Variants in HS6ST3 observed in about 807,000 individuals in gnomAD.
HS6ST3 encodes the protein heparan sulfate 6-O-sulfotransferase 3.
In HS6ST3, 12 loss-of-function variants were observed where a neutral mutation model predicts 36.7. The ratio of observed to expected loss-of-function variants is 0.33; its 90% CI spans 0.21 to 0.53. The LOEUF (loss-of-function observed/expected upper bound fraction) is 0.53, where lower values mean the gene tolerates loss of function less well. Among genes scored for constraint, HS6ST3 ranks in the 20% least tolerant of loss-of-function variants. The pLI is 0.95. For synonymous variants in HS6ST3, 240 were observed against 257.5 expected (o/e 0.93, Z 0.65); for missense variants, 584 against 640.9 (o/e 0.91, Z 0.96).
intron 1 of HS6ST3, among the ~76,000 whole-genome samples, chr13:96,694,188 A>G: frequency 6.6e-6 from 1 of 152,030 alleles, no homozygotes; most frequent in South Asian, 2.1e-4. Context: ...ATCCTCTGAA[A>G]GGCCCCAGTG....
At chr13:96,707,338 GCA>G (rs1231720093) in intron 1 of HS6ST3, among the ~76,000 whole-genome samples, 3 of 152,100 alleles carry the variant, frequency 2.0e-5, no homozygotes, top group African/African-American at 7.2e-5. Flanking sequence ...GACCATGCTG[GCA>G]CCCTGATCTC....
chr13:96,799,113 C>T (rs896692504), intron 1 of HS6ST3, among the ~76,000 whole-genome samples: 1 of 152,068 alleles, frequency 6.6e-6, no homozygotes, highest in Non-Finnish European at 1.5e-5. Context: ...ATTAGGGCTT[C>T]GACTTATGAA....
At chr13:96,502,359 C>CTTTT (rs11410300) in intron 1 of HS6ST3, among the ~76,000 whole-genome samples, 1 of 139,090 alleles carries the variant, frequency 7.2e-6, no homozygotes, top group Non-Finnish European at 1.5e-5. Context: ...TCTTCACGGG[C>CTTTT]TTTTTTTTTT....
chr13:96,826,915 C>T (rs1317669080), intron 1 of HS6ST3, among the ~76,000 whole-genome samples: 1 of 152,140 alleles, frequency 6.6e-6, no homozygotes, highest in Admixed American at 6.5e-5. Context: ...GCCATCATAA[C>T]CCTCATGGCC....
chr13:96,355,767 T>C (rs2055207314), intron 1 of HS6ST3, among the ~76,000 whole-genome samples: 1 of 152,112 alleles, frequency 6.6e-6, no homozygotes, highest in Admixed American at 6.5e-5. Context: ...AAAATAACAA[T>C]AAATTGATTG....
chr13:96,679,188 G>A (rs958648261), intron 1 of HS6ST3, among the ~76,000 whole-genome samples: 1 of 150,302 alleles, frequency 6.7e-6, no homozygotes, highest in Admixed American at 6.7e-5. Context: ...TAATCTTCAG[G>A]TGGTGGTTGG....
intron 1 of HS6ST3, among the ~76,000 whole-genome samples, chr13:96,240,659 A>C (rs142457473): frequency 1.4e-3 from 207 of 152,300 alleles, no homozygotes; most frequent in African/African-American, 4.1e-3. Context: ...AAAGTGGCAG[A>C]GATGGGTCCA....
intron 1 of HS6ST3, among the ~76,000 whole-genome samples, chr13:96,660,392 C>G (rs1196070675): frequency 1.3e-5 from 2 of 152,074 alleles, no homozygotes; most frequent in African/African-American, 2.4e-5. Flanking sequence ...AATGTAAAAT[C>G]ATATTAGCCA....
At chr13:96,553,451 G>A (rs1357082893) in intron 1 of HS6ST3, among the ~76,000 whole-genome samples, 1 of 152,112 alleles carries the variant, frequency 6.6e-6, no homozygotes, top group Non-Finnish European at 1.5e-5. Flanking sequence ...GCTGTCTAGG[G>A]GCAAAAAGAT....
chr13:96,378,187 C>G (rs1594766786), intron 1 of HS6ST3, among the ~76,000 whole-genome samples: 1 of 152,132 alleles, frequency 6.6e-6, no homozygotes, highest in Non-Finnish European at 1.5e-5. Context: ...AACTATGAAC[C>G]AGGTGCTCTC....
chr13:96,249,812 G>A (rs544634338), intron 1 of HS6ST3, among the ~76,000 whole-genome samples: 2 of 152,168 alleles, frequency 1.3e-5, no homozygotes, highest in East Asian at 3.9e-4. Flanking sequence ...TGAACTTTGA[G>A]GACATTATGC....
intron 1 of HS6ST3, among the ~76,000 whole-genome samples, chr13:96,160,083 C>T (rs1007281375): frequency 6.6e-6 from 1 of 152,182 alleles, no homozygotes; most frequent in African/African-American, 2.4e-5. Flanking sequence ...ATGTAGTAAG[C>T]ACTCAATAGC....
At chr13:96,490,094 GAGTT>G (rs1388537845) in intron 1 of HS6ST3, among the ~76,000 whole-genome samples, 1 of 152,104 alleles carries the variant, frequency 6.6e-6, no homozygotes, top group Non-Finnish European at 1.5e-5. Context: ...AAATTCCTGA[GAGTT>G]AGTTCTTTCA....
At chr13:96,273,811 G>GGAAA (rs2054732955) in intron 1 of HS6ST3, among the ~76,000 whole-genome samples, 1 of 152,028 alleles carries the variant, frequency 6.6e-6, no homozygotes, top group South Asian at 2.1e-4. Flanking sequence ...GAGAAGGCAT[G>GGAAA]GAAAGAGCTG....
rs2138914666 is a variant in HS6ST3, at chr13:96,503,597, G to A, written c.708-328893G>A. ...AAGGTATTCCAGCCTAGTGGGATAG[G>A]GGTTCTTATGGGGGAGAATGAGCAT... On this transcript the variant is annotated intron_variant, in intron 1 of 1. Coordinates refer to ENST00000376705, the MANE Select transcript of HS6ST3 (RefSeq NM_153456.4). Among the ~76,000 whole-genome samples, 2 of 152,212 alleles carry A rather than the reference G, an allele frequency of 1.3e-5. 1 individual carries two copies. Among genetic ancestry groups the A allele is most frequent in the South Asian group, 4.2e-4 (2 of 4,806 alleles).
At chr13:96,631,500 T>A (rs892568378) in intron 1 of HS6ST3, among the ~76,000 whole-genome samples, 2 of 152,224 alleles carry the variant, frequency 1.3e-5, no homozygotes, top group Admixed American at 1.3e-4. Flanking sequence ...AAGCAATTTT[T>A]AAGAATAAAC....
At chr13:96,824,599 G>T (rs777587904) in intron 1 of HS6ST3, among the ~76,000 whole-genome samples, 7 of 152,190 alleles carry the variant, frequency 4.6e-5, no homozygotes, top group Non-Finnish European at 1.0e-4. Flanking sequence ...AGAATGAGTA[G>T]CTCATGATGA....
At chr13:96,545,498 A>C (rs1413361803) in intron 1 of HS6ST3, among the ~76,000 whole-genome samples, 1 of 152,210 alleles carries the variant, frequency 6.6e-6, no homozygotes, top group Non-Finnish European at 1.5e-5. Context: ...GGGCAGAAGA[A>C]GAGTGGGGTA....
In HS6ST3 at chr13:96,242,318, G is replaced by A. The variant is rs947777166; in HGVS notation, c.707+150749G>A. 5.3e-5 allele frequency among the ~76,000 whole-genome samples: 8 copies of A among 151,410 alleles called. No homozygotes were observed. The East Asian group carries it at 5.9e-4, about 11-fold the overall frequency. ...TGGCTCACTTCAGCCTTGACCTCCC[G>A]GGTCCAGGTGATCCTCCTGCCTCAG... On this transcript the variant is annotated intron_variant, in intron 1 of 1. Transcript: ENST00000376705.
Sources: gnomAD v4.1 joint callset for allele counts (sites outside exome capture counted in the v4.1 genomes callset) on GRCh38, gnomAD v4.1.1 for gene constraint, MANE v1.5 for transcripts, NCBI Gene and HGNC (gene_info 2026-07-23, HGNC 2026-07-21) for gene names.